TBCK: variants seen among roughly 807,000 people sequenced by gnomAD.
The protein encoded by TBCK is TBC1 domain containing kinase.
TBCK carries 99 observed loss-of-function variants against 113.4 expected under a neutral mutation model. That is an observed-to-expected ratio of 0.87 (90% confidence interval 0.74 to 1.03). TBCK has a LOEUF of 1.03. Among genes scored for constraint, TBCK ranks in the 50% least tolerant of loss-of-function variants. TBCK has a pLI of 0.00. For synonymous variants in TBCK, 369 were observed against 370.8 expected, an observed-to-expected ratio of 1.00 and a Z score of 0.05; for missense variants, 1,045 against 1,061.3, an observed-to-expected ratio of 0.98 and a Z score of 0.21.
intron 3 of TBCK, among the ~76,000 whole-genome samples, chr4:106,275,538 C>A (rs972449425): frequency 6.6e-6 from 1 of 151,788 alleles, no homozygotes; most frequent in Non-Finnish European, 1.5e-5. Flanking sequence ...AAGGAATCCA[C>A]CAAAAAACTA....
At chr4:106,258,051 C>T (rs919684804) in intron 5 of TBCK, among the ~76,000 whole-genome samples, 1 of 151,984 alleles carries the variant, frequency 6.6e-6, no homozygotes, top group African/African-American at 2.4e-5. Flanking sequence ...CAGAGATAAA[C>T]TTTGTTTCAA....
chr4:106,278,080 A>G (rs894730095), intron 3 of TBCK, among the ~76,000 whole-genome samples: 7 of 151,972 alleles, frequency 4.6e-5, no homozygotes, highest in African/African-American at 1.7e-4. Flanking sequence ...CAATTTTACT[A>G]TTTGCATTTT....
intron 20 of TBCK, among the ~76,000 whole-genome samples, chr4:106,205,953 A>G (rs560616071): frequency 2.6e-5 from 4 of 152,232 alleles, no homozygotes; most frequent in South Asian, 4.1e-4. Context: ...ATTTTTGGGG[A>G]AAAATGTAAC....
intron 3 of TBCK, among the ~76,000 whole-genome samples, chr4:106,289,464 ATTATAT>A (rs1464984898): frequency 7.9e-5 from 12 of 152,316 alleles, no homozygotes; most frequent in Admixed American, 1.3e-4. Flanking sequence ...AATATAACAA[ATTATAT>A]TTATGAAGAC....
At chr4:106,068,879 C>T (rs1398662165) in intron 25 of TBCK, among the ~76,000 whole-genome samples, 1 of 152,200 alleles carries the variant, frequency 6.6e-6, no homozygotes, top group Non-Finnish European at 1.5e-5. Flanking sequence ...TTTTGATTTG[C>T]ATTTCTGATG....
chr4:106,276,185 G>A (rs770455744), intron 3 of TBCK, among the ~76,000 whole-genome samples: 36 of 152,134 alleles, frequency 2.4e-4, no homozygotes, highest in African/African-American at 7.7e-4. Flanking sequence ...TCTTTTAAAC[G>A]ATCAGAGGTA....
At chr4:106,296,922 C>G (rs999317767) in intron 2 of TBCK, among the ~76,000 whole-genome samples, 1 of 152,096 alleles carries the variant, frequency 6.6e-6, no homozygotes, top group Non-Finnish European at 1.5e-5. Flanking sequence ...AAGGTAAGCT[C>G]CAAGCAATTT....
At chr4:106,160,372 A>T (rs1049510270) in intron 23 of TBCK, among the ~76,000 whole-genome samples, 5 of 151,876 alleles carry the variant, frequency 3.3e-5, no homozygotes, top group African/African-American at 7.2e-5. Flanking sequence ...CATATATTTA[A>T]TATGAGAATA....
rs996846229 is a variant in TBCK at position 106,306,084 on chromosome 4, C to T, written c.193+2684G>A. On this transcript the variant is annotated intron_variant, in intron 2 of 25. Transcript: ENST00000394708. ...CCCTGAATTCCTTGCCGCACAAGAT[C>T]CAAGAACCTTCTCTTGGGGGTCTGG... Among the ~76,000 whole-genome samples, 48 of 149,900 alleles carry T rather than the reference C, an allele frequency of 3.2e-4. 1 individual carries two copies. Among genetic ancestry groups the T allele is most frequent in the Non-Finnish European group, 9.0e-5 (6 of 66,906 alleles).
chr4:106,315,752 T>C (rs1178556272), intron 1 of TBCK, 179 bp downstream of exon 1: 2 of 152,326 alleles, frequency 1.3e-5, no homozygotes, highest in African/African-American at 4.8e-5. Flanking sequence ...GAACCTGATT[T>C]ACAGGAAAGG....
intron 3 of TBCK, among the ~76,000 whole-genome samples, chr4:106,264,350 G>A (rs987445112): frequency 2.0e-5 from 3 of 151,964 alleles, no homozygotes; most frequent in Non-Finnish European, 4.4e-5. Context: ...GTAGGTCTCT[G>A]GAAAATGTAT....
intron 24 of TBCK, among the ~76,000 whole-genome samples, chr4:106,099,495 A>G (rs909514859): frequency 6.6e-6 from 1 of 152,154 alleles, no homozygotes; most frequent in African/African-American, 2.4e-5. Flanking sequence ...TCAACAGCGA[A>G]AAAGAAATAT....
chr4:106,158,707 G>A (rs1749402446), intron 23 of TBCK, among the ~76,000 whole-genome samples: 1 of 152,052 alleles, frequency 6.6e-6, no homozygotes. Context: ...CTTAACTGGT[G>A]AATTCTACCA....
chr4:106,108,965 C>A (rs1742506927), intron 24 of TBCK, among the ~76,000 whole-genome samples: 1 of 151,464 alleles, frequency 6.6e-6, no homozygotes, highest in Non-Finnish European at 1.5e-5. Flanking sequence ...CCAACGACAA[C>A]CAACCTGAAA....
chr4:106,236,385 C>A lies in TBCK; in HGVS notation c.1350+5G>T. The A allele has an allele frequency of 6.8e-7, 1 of 1,472,934 alleles. No homozygotes were observed. 91.2% of individuals were successfully genotyped at this position (1,472,934 alleles called of 1,614,324 possible). Reference sequence around the variant, plus strand: ...TGTTAACACTTTATACTTTAGAATCCATACCTTTAGCAGCCTGTCGAAGAG... The same window carrying A: ...TGTTAACACTTTATACTTTAGAATCAATACCTTTAGCAGCCTGTCGAAGAG... On this transcript the variant is annotated splice_donor_5th_base_variant and intron_variant, in intron 14 of 25. Transcript: ENST00000394708.
chr4:106,291,184 G>A (rs550251766), intron 3 of TBCK, among the ~76,000 whole-genome samples: 5 of 152,216 alleles, frequency 3.3e-5, no homozygotes, highest in South Asian at 4.2e-4. Flanking sequence ...TAGTCTGCAC[G>A]TGGCCTGCCT....
At chr4:106,255,701 G>A (rs61029622) in intron 5 of TBCK, among the ~76,000 whole-genome samples, 4 of 152,226 alleles carry the variant, frequency 2.6e-5, no homozygotes, top group East Asian at 1.9e-4. Flanking sequence ...CTTGCCACCC[G>A]CAATGTGGCA....
At chr4:106,116,420 T>C in intron 23 of TBCK, 42 bp from the exon 24 acceptor site, 1 of 1,510,406 alleles carries the variant, frequency 6.6e-7, no homozygotes, top group Non-Finnish European at 9.1e-7. Flanking sequence ...GAGAATATTA[T>C]AGAAAAACAA....
At chr4:106,252,128 C>G (rs1436061583) in intron 5 of TBCK, 121 bp from the exon 6 acceptor site, 1 of 744,558 alleles carries the variant, frequency 1.3e-6, no homozygotes, top group Non-Finnish European at 2.0e-6. Flanking sequence ...ACAACTGTTG[C>G]TAGAAAGCAT....
Sources: gnomAD v4.1 joint callset for allele counts (sites outside exome capture counted in the v4.1 genomes callset) on GRCh38, gnomAD v4.1.1 for gene constraint, MANE v1.5 for transcripts, NCBI Gene and HGNC (gene_info 2026-07-23, HGNC 2026-07-21) for gene names.